Variants in SLC2A9 observed in about 807,000 individuals in gnomAD.
The protein encoded by SLC2A9 is solute carrier family 2, facilitated glucose transporter member 9.
In SLC2A9, 39 loss-of-function variants were observed where a neutral mutation model predicts 50.6. That is an observed-to-expected ratio of 0.77 (90% confidence interval 0.60 to 1.01). SLC2A9 has a LOEUF of 1.01. Ranked by LOEUF, SLC2A9 falls within the 50% of genes least tolerant of loss-of-function variation. SLC2A9 has a pLI of 0.00. For missense variants in SLC2A9, 686 were observed against 677.6 expected, an observed-to-expected ratio of 1.01 and a Z score of -0.14; for synonymous variants, 324 against 276.9, an observed-to-expected ratio of 1.17 and a Z score of -1.69.
intron 5 of SLC2A9, among the ~76,000 whole-genome samples, chr4:9,952,762 C>A (rs1178600380): frequency 1.3e-5 from 2 of 152,126 alleles, no homozygotes; most frequent in Non-Finnish European, 2.9e-5. Context: ...TGGGTTCAAG[C>A]GATCTGCCTG....
chr4:9,942,639 G>A (rs1295796639), intron 5 of SLC2A9, among the ~76,000 whole-genome samples: 1 of 152,224 alleles, frequency 6.6e-6, no homozygotes, highest in Non-Finnish European at 1.5e-5. Context: ...AGCTATGAAA[G>A]GCAAACAGAT....
intron 10 of SLC2A9, among the ~76,000 whole-genome samples, chr4:9,839,896 G>A (rs551630582): frequency 2.8e-4 from 42 of 152,186 alleles, no homozygotes; most frequent in African/African-American, 9.4e-4. Flanking sequence ...GTACCTGGGT[G>A]ATGAAATAAT....
intron 7 of SLC2A9, among the ~76,000 whole-genome samples, chr4:9,913,330 TGAGAGAGAGAGAGAGAGAGAGAGAGACA>T (rs1241885518): frequency 0.012 from 1,101 of 88,802 alleles, 16 homozygotes; most frequent in African/African-American, 0.049. Flanking sequence ...TGTGTGTGTG[TGAGAGAGAGAGAGAGAGAGAGAGAGACA>T]GAGAGAGAGA....
At chr4:9,897,056 A>G (rs1042151556) in intron 8 of SLC2A9, among the ~76,000 whole-genome samples, 2 of 152,092 alleles carry the variant, frequency 1.3e-5, no homozygotes, top group African/African-American at 4.8e-5. Flanking sequence ...ATCATCCACT[A>G]TTATATCCAG....
intron 8 of SLC2A9, among the ~76,000 whole-genome samples, chr4:9,897,497 T>C (rs1738773897): frequency 6.6e-6 from 1 of 152,158 alleles, no homozygotes. Flanking sequence ...TGTTTGGGAA[T>C]AGGGTCTTTA....
At chr4:9,953,324 A>G (rs1490308532) in intron 5 of SLC2A9, among the ~76,000 whole-genome samples, 2 of 152,230 alleles carry the variant, frequency 1.3e-5, no homozygotes, top group African/African-American at 4.8e-5. Context: ...CCCACACTGT[A>G]TCATCTGCCT....
At chr4:9,772,771 C>A (rs900047878) in intron 1 of SLC2A9, among the ~76,000 whole-genome samples, 2 of 152,076 alleles carry the variant, frequency 1.3e-5, no homozygotes, top group African/African-American at 4.8e-5. Flanking sequence ...ATCTCATTTA[C>A]CCATGATATC....
downstream of SLC2A9, among the ~76,000 whole-genome samples, chr4:9,776,735 G>A (rs772864345): frequency 2.6e-5 from 4 of 152,048 alleles, no homozygotes; most frequent in East Asian, 1.9e-4. Context: ...TGAAGCCTCC[G>A]AGTTCTTATA....
At chr4:9,777,684 C>T (rs529700462), downstream of SLC2A9, among the ~76,000 whole-genome samples, 9 of 152,278 alleles carry the variant, frequency 5.9e-5, no homozygotes, top group Admixed American at 3.9e-4. Flanking sequence ...TCACTGTGTT[C>T]GCTTGGGGAA....
At chr4:10,021,221 C>T in intron 1 of SLC2A9, 59 bp downstream of exon 1, 2 of 1,575,876 alleles carry the variant, frequency 1.3e-6, no homozygotes, top group Non-Finnish European at 1.7e-6. Context: ...ACACGGCTGC[C>T]ACCCAGGCCT....
intron 2 of SLC2A9, 67 bp downstream of exon 2, chr4:10,018,908 G>A: frequency 2.7e-6 from 4 of 1,465,058 alleles, no homozygotes; most frequent in Non-Finnish European, 3.7e-6. Context: ...GGAGCCCAGG[G>A]CCCTTGCGCA....
intron 10 of SLC2A9, among the ~76,000 whole-genome samples, chr4:9,841,809 C>A (rs73804737): frequency 7.3e-4 from 111 of 152,266 alleles, no homozygotes; most frequent in African/African-American, 2.6e-3. Flanking sequence ...AGGACATAGT[C>A]TTAGGAAGTG....
At chr4:10,001,658 A>G (rs1223478577) in intron 2 of SLC2A9, among the ~76,000 whole-genome samples, 1 of 152,238 alleles carries the variant, frequency 6.6e-6, no homozygotes, top group Non-Finnish European at 1.5e-5. Context: ...CTACCAGGAC[A>G]CTGATTCCTG....
At chr4:9,943,791 G>A (rs933880411) in intron 5 of SLC2A9, among the ~76,000 whole-genome samples, 5 of 152,104 alleles carry the variant, frequency 3.3e-5, no homozygotes, top group African/African-American at 1.2e-4. Context: ...TCTCAGTAAG[G>A]GTAAAAACAG....
intron 2 of SLC2A9, among the ~76,000 whole-genome samples, chr4:10,008,102 C>T (rs1383634411): frequency 6.6e-6 from 1 of 152,256 alleles, no homozygotes; most frequent in Non-Finnish European, 1.5e-5. Context: ...ATCCCCAGCT[C>T]TCTGGCTGCA....
At chr4:9,935,034 T>C (rs1746814284) in intron 6 of SLC2A9, among the ~76,000 whole-genome samples, 1 of 152,240 alleles carries the variant, frequency 6.6e-6, no homozygotes, top group Non-Finnish European at 1.5e-5. Flanking sequence ...ATATGCACCA[T>C]ATTTTCTTCA....
intron 6 of SLC2A9, among the ~76,000 whole-genome samples, chr4:9,933,394 G>A (rs1388344702): frequency 6.6e-6 from 1 of 152,130 alleles, no homozygotes; most frequent in Non-Finnish European, 1.5e-5. Context: ...TGAACGCACG[G>A]GCTCCAGGGT....
chr4:10,007,612 T>C (rs1472058135), intron 2 of SLC2A9, among the ~76,000 whole-genome samples: 1 of 152,214 alleles, frequency 6.6e-6, no homozygotes, highest in African/African-American at 2.4e-5. Flanking sequence ...ATTATTCTTA[T>C]TCAATCACAG....
chr4:9,965,885 C>G (rs902676965), intron 5 of SLC2A9, among the ~76,000 whole-genome samples: 1 of 152,034 alleles, frequency 6.6e-6, no homozygotes, highest in South Asian at 2.1e-4. Flanking sequence ...TAGATTTTTA[C>G]GAAAGTAGTT....
Sources: allele counts gnomAD v4.1 joint callset (sites outside exome capture counted in the v4.1 genomes callset), GRCh38; gene constraint gnomAD v4.1.1; transcripts MANE v1.5; gene names NCBI Gene and HGNC (gene_info 2026-07-23, HGNC 2026-07-21).